ARHGEF10: variants seen among roughly 807,000 people sequenced by gnomAD.
The protein encoded by ARHGEF10 is Rho guanine nucleotide exchange factor 10.
ARHGEF10 carries 140 observed loss-of-function variants against 147.4 expected under a neutral mutation model. That is an observed-to-expected ratio of 0.95 (90% CI 0.83 to 1.09). The LOEUF (loss-of-function observed/expected upper bound fraction) is 1.09. ARHGEF10 is among the 50% of genes least tolerant of loss of function. The pLI is 0.00. For synonymous variants in ARHGEF10, 902 were observed against 695.8 expected, an observed-to-expected ratio of 1.30 and a Z score of -4.67; for missense variants, 2,222 against 1,752.7, an observed-to-expected ratio of 1.27 and a Z score of -4.78.
At chr8:1,931,830 G>A (rs994071614) in intron 25 of ARHGEF10, among the ~76,000 whole-genome samples, 6 of 152,208 alleles carry the variant, frequency 3.9e-5, no homozygotes, top group Non-Finnish European at 8.8e-5. Flanking sequence ...TCTGGCCTGG[G>A]ACACATACAC....
upstream of ARHGEF10, among the ~76,000 whole-genome samples, chr8:1,823,445 GTTC>G (rs1465933335): frequency 1.5e-5 from 2 of 135,038 alleles, no homozygotes; most frequent in African/African-American, 5.6e-5. Context: ...GAGGGGCGAT[GTTC>G]TGGGGGGGGG....
At chr8:1,883,348 C>G (rs936173677) in intron 10 of ARHGEF10, among the ~76,000 whole-genome samples, 5 of 151,954 alleles carry the variant, frequency 3.3e-5, no homozygotes, top group African/African-American at 9.7e-5. Context: ...GTCCTAAGGT[C>G]GAGTTACGGG....
Position 1,925,423 on chromosome 8 carries a change from C to T in ARHGEF10, c.2610+19C>T, listed in dbSNP as rs371096933. ...GTTCAAGGTGAAGGGAGGCAGGGCC[C>T]GCGGCCCGGGGTGGGACGCACCTCG... On this transcript the variant is annotated intron_variant, in intron 22 of 28. Transcript: ENST00000349830. 1.4e-5 allele frequency: 23 copies of T among 1,613,238 alleles called. No homozygotes were observed. The highest frequency in any genetic ancestry group is 1.7e-4 in the Middle Eastern group (1 of 5,790).
intron 10 of ARHGEF10, among the ~76,000 whole-genome samples, 198 bp downstream of exon 10, chr8:1,882,947 G>A (rs983984061): frequency 1.3e-5 from 2 of 152,228 alleles, no homozygotes; most frequent in South Asian, 2.1e-4. Context: ...GTTTTAGACC[G>A]AGGGCACCCA....
At chr8:1,884,200 T>A (rs1377222586) in intron 10 of ARHGEF10, among the ~76,000 whole-genome samples, 1 of 152,174 alleles carries the variant, frequency 6.6e-6, no homozygotes, top group South Asian at 2.1e-4. Context: ...AAGACCATCC[T>A]GGCTAACACG....
intron 18 of ARHGEF10, among the ~76,000 whole-genome samples, chr8:1,917,643 C>A (rs1013099988): frequency 6.6e-6 from 1 of 152,168 alleles, no homozygotes; most frequent in Non-Finnish European, 1.5e-5. Context: ...GGAAGTGCAG[C>A]AATTGTGTGT....
intron 2 of ARHGEF10, among the ~76,000 whole-genome samples, chr8:1,852,553 C>G (rs377091097): frequency 3.3e-5 from 5 of 152,114 alleles, no homozygotes; most frequent in African/African-American, 9.7e-5. Context: ...TGGAGAGAAC[C>G]CGGGAGCAGC....
In ARHGEF10 at chr8:1,864,400, A is replaced by G. The variant is rs1321290263; in HGVS notation, c.509A>G (p.Gln170Arg). The G allele has an allele frequency of 1.2e-6, 2 of 1,614,086 alleles. No homozygotes were observed. Among genetic ancestry groups the G allele is most frequent in the African/African-American group, 1.3e-5 (1 of 74,928 alleles). Residue 170 changes from glutamine (Q) to arginine (R), a missense_variant, in exon 5 of 29, where the codon CAG (glutamine) becomes CGG (arginine). Coordinates refer to ENST00000349830, the MANE Select transcript of ARHGEF10 (RefSeq NM_014629.4). ...ACACCAGAAGTCACAGAAGATCGCC[A>G]GCCCAATTCTCTGAGTTCCGAGGAG... ...EETPEVTEDRQPNSLSSEEPP... is the reference protein window; with the variant it reads ...EETPEVTEDRRPNSLSSEEPP...
chr8:1,825,963 T>G, intron 1 of ARHGEF10: 2 of 682,104 alleles, frequency 2.9e-6, no homozygotes, highest in African/African-American at 3.6e-5. Context: ...GAAAATAATT[T>G]TTATTCGAAA....
intron 17 of ARHGEF10, among the ~76,000 whole-genome samples, chr8:1,908,512 G>C (rs566130949): frequency 2.6e-5 from 4 of 152,138 alleles, no homozygotes; most frequent in Non-Finnish European, 5.9e-5. Context: ...GATTACAGGC[G>C]TGAGCCACCG....
chr8:1,849,973 G>GGCGA (rs1257271755), intron 2 of ARHGEF10, among the ~76,000 whole-genome samples: 2 of 124,268 alleles, frequency 1.6e-5, no homozygotes, highest in Non-Finnish European at 3.4e-5. Flanking sequence ...GAGGGCGTGG[G>GGCGA]CCGGCTGCAT....
intron 7 of ARHGEF10, among the ~76,000 whole-genome samples, chr8:1,873,892 T>C (rs904176780): frequency 6.6e-6 from 1 of 151,782 alleles, no homozygotes; most frequent in Admixed American, 6.6e-5. Flanking sequence ...CAGGTATACG[T>C]AAATATTCCT....
At chr8:1,826,636 A>G (rs140735988) in intron 1 of ARHGEF10, among the ~76,000 whole-genome samples, 27 of 152,338 alleles carry the variant, frequency 1.8e-4, no homozygotes, top group African/African-American at 6.3e-4. Context: ...GATGTTTGGC[A>G]TAAATTAGAG....
Position 1,957,330 on chromosome 8 carries a change from C to G in ARHGEF10, c.*67C>G. On this transcript the variant is annotated 3_prime_UTR_variant, in exon 29 of 29. Coordinates refer to ENST00000349830, the MANE Select transcript of ARHGEF10 (RefSeq NM_014629.4). ...GTGACTTCTCAGCTAATCCTACAGC[C>G]TGAGTGGTTAAGCTGTGTCTACACT... 2 of 1,561,878 alleles carry G rather than the reference C, an allele frequency of 1.3e-6. No homozygotes were observed. Among genetic ancestry groups the G allele is most frequent in the African/African-American group, 1.3e-5 (1 of 74,334 alleles).
Position 1,957,424 on chromosome 8 carries a change from C to T in ARHGEF10, c.*161C>T. 1 of 985,616 alleles carries T rather than the reference C, an allele frequency of 1.0e-6. No homozygotes were observed. Among genetic ancestry groups the T allele is most frequent in the South Asian group, 1.6e-5 (1 of 62,520 alleles). 61.1% of individuals were successfully genotyped at this position (985,616 alleles called of 1,614,324 possible). ...AATAGCGTAATGGTGGTGTCCCTGCCAATTCCTTCCTTCTCTTCTGTACAG... is the reference window on the plus strand; with the variant it reads ...AATAGCGTAATGGTGGTGTCCCTGCTAATTCCTTCCTTCTCTTCTGTACAG... On this transcript the variant is annotated 3_prime_UTR_variant, in exon 29 of 29. Transcript: ENST00000349830.
intron 1 of ARHGEF10, among the ~76,000 whole-genome samples, chr8:1,834,328 C>T (rs1356678223): frequency 6.6e-6 from 1 of 152,112 alleles, no homozygotes; most frequent in African/African-American, 2.4e-5. Flanking sequence ...TTTCTGGGAG[C>T]GTGCAGAGGA....
intron 6 of ARHGEF10, among the ~76,000 whole-genome samples, chr8:1,868,176 T>C (rs1446320150): frequency 6.6e-6 from 1 of 152,198 alleles, no homozygotes; most frequent in African/African-American, 2.4e-5. Flanking sequence ...AGAAAGAGCG[T>C]CTGTAATACT....
chr8:1,880,203 C>G (rs769774818), intron 9 of ARHGEF10, 39 bp downstream of exon 9: 1 of 1,478,130 alleles, frequency 6.8e-7, no homozygotes, highest in Non-Finnish European at 9.5e-7. Flanking sequence ...CACTTGCCAG[C>G]CGGGCAGTAA....
chr8:1,889,438 A>T (rs191955390), intron 11 of ARHGEF10, among the ~76,000 whole-genome samples: 6 of 41,656 alleles, frequency 1.4e-4, no homozygotes, highest in African/African-American at 4.4e-4. Flanking sequence ...GGGGTCTGTG[A>T]GGAGACACTG....
Sources: gnomAD v4.1 joint callset for allele counts (sites outside exome capture counted in the v4.1 genomes callset) on GRCh38, gnomAD v4.1.1 for gene constraint, MANE v1.5 for transcripts, NCBI Gene and HGNC (gene_info 2026-07-23, HGNC 2026-07-21) for gene names.